LOC400499: variants seen among roughly 807,000 people sequenced by gnomAD.
At chr16:11,480,384 C>G in the LOC400499 span, among the ~76,000 whole-genome samples, 3 of 152,180 alleles carry the variant, frequency 2.0e-5, no homozygotes, top group Non-Finnish European at 2.9e-5. Context: ...TTCCCAAGCC[C>G]CGGGTTCACC....
At chr16:11,385,039 C>A in the LOC400499 span, 1 of 1,232,180 alleles carries the variant, frequency 8.1e-7, no homozygotes, top group Non-Finnish European at 1.0e-6. Flanking sequence ...TGTCCCCCGG[C>A]AGGGAGGAGT....
chr16:11,516,446 C>A, the LOC400499 span: 4 of 397,584 alleles, frequency 1.0e-5, no homozygotes, highest in Non-Finnish European at 1.8e-5. Flanking sequence ...CATCCCCCCA[C>A]TAGATAGCCT....
At chr16:11,447,984 C>A in the LOC400499 span, 5 of 1,536,094 alleles carry the variant, frequency 3.3e-6, no homozygotes, top group Non-Finnish European at 4.4e-6. Flanking sequence ...CTTGCCTCAG[C>A]TCCTCCAGCT....
chr16:11,428,437 G>C, the LOC400499 span, among the ~76,000 whole-genome samples: 3 of 152,158 alleles, frequency 2.0e-5, no homozygotes, highest in African/African-American at 7.2e-5. Flanking sequence ...ACCTCCCAAA[G>C]TGTTGAGATT....
At chr16:11,446,555 G>A in the LOC400499 span, 2 of 1,536,082 alleles carry the variant, frequency 1.3e-6, no homozygotes, top group Admixed American at 3.9e-5. Flanking sequence ...CTTACCGTGT[G>A]CTGATTCCAA....
At chr16:11,480,641 G>A in the LOC400499 span, among the ~76,000 whole-genome samples, 1 of 152,244 alleles carries the variant, frequency 6.6e-6, no homozygotes, top group East Asian at 1.9e-4. Flanking sequence ...GAAAAAGTAG[G>A]CTAAAGATAT....
At chr16:11,421,678 TA>T in the LOC400499 span, among the ~76,000 whole-genome samples, 1 of 152,044 alleles carries the variant, frequency 6.6e-6, no homozygotes, top group Non-Finnish European at 1.5e-5. Flanking sequence ...TATTGGGATA[TA>T]CGACATCTTG....
the LOC400499 span, chr16:11,401,214 G>A: frequency 3.5e-5 from 14 of 398,848 alleles, 1 homozygote; most frequent in African/African-American, 8.2e-5. Flanking sequence ...GCTCAGTCAC[G>A]CGGCTCCCAC....
At chr16:11,446,723 C>T in the LOC400499 span, 48 of 1,533,838 alleles carry the variant, frequency 3.1e-5, no homozygotes, top group Non-Finnish European at 3.8e-5. Context: ...AGGCCCCTTC[C>T]GGGCTATGCC....
At chr16:11,409,820 CTA>C in the LOC400499 span, among the ~76,000 whole-genome samples, 1 of 152,074 alleles carries the variant, frequency 6.6e-6, no homozygotes, top group African/African-American at 2.4e-5. Flanking sequence ...AGAAACGTCT[CTA>C]TATTAATTCT....
the LOC400499 span, among the ~76,000 whole-genome samples, chr16:11,386,626 C>T: frequency 6.6e-6 from 1 of 152,230 alleles, no homozygotes; most frequent in African/African-American, 2.4e-5. Context: ...CACGTTGTTA[C>T]CTACATTTCA....
the LOC400499 span, among the ~76,000 whole-genome samples, chr16:11,493,386 C>T: frequency 6.6e-6 from 1 of 152,162 alleles, no homozygotes; most frequent in African/African-American, 2.4e-5. Flanking sequence ...GCCCATGGCC[C>T]GTAGTCTGCC....
chr16:11,382,857 C>G, the LOC400499 span, among the ~76,000 whole-genome samples: 1 of 152,118 alleles, frequency 6.6e-6, no homozygotes, highest in Non-Finnish European at 1.5e-5. Context: ...CTTAATGTGG[C>G]TCTGTGGACA....
chr16:11,377,516 G>C, the LOC400499 span, among the ~76,000 whole-genome samples: 1 of 152,164 alleles, frequency 6.6e-6, no homozygotes, highest in African/African-American at 2.4e-5. Context: ...TTTTAATCAC[G>C]AAAGGGTATT....
chr16:11,424,330 C>T, the LOC400499 span: 1 of 399,818 alleles, frequency 2.5e-6, no homozygotes. Flanking sequence ...AGCATCCCTG[C>T]CTCGGAGGGG....
the LOC400499 span, among the ~76,000 whole-genome samples, chr16:11,512,516 T>C: frequency 6.6e-6 from 1 of 151,548 alleles, no homozygotes; most frequent in African/African-American, 2.4e-5. Context: ...GCAGGAGCAC[T>C]GCGTGAACCT....
At chr16:11,440,825 G>C in the LOC400499 span, 10 of 398,910 alleles carry the variant, frequency 2.5e-5, no homozygotes, top group Non-Finnish European at 4.0e-5. Context: ...TCCAAGCTCA[G>C]GGCCTGGGGG....
the LOC400499 span, among the ~76,000 whole-genome samples, chr16:11,386,594 C>A: frequency 6.6e-6 from 1 of 152,224 alleles, no homozygotes; most frequent in Non-Finnish European, 1.5e-5. Flanking sequence ...ACAGTACATG[C>A]CCATTACCCA....
chr16:11,455,262 T>C, the LOC400499 span, among the ~76,000 whole-genome samples: 5 of 152,310 alleles, frequency 3.3e-5, no homozygotes, highest in South Asian at 8.3e-4. Context: ...AGAATATGTA[T>C]TTGAAAGGGG....
Sources: allele counts gnomAD v4.1 joint callset (sites outside exome capture counted in the v4.1 genomes callset), GRCh38; gene constraint gnomAD v4.1.1; transcripts MANE v1.5.